Variants in ERBIN observed in about 807,000 individuals in gnomAD.
ERBIN encodes densin-180-like protein.
A neutral mutation model predicts 158.4 loss-of-function variants in ERBIN; 60 were observed. That is an observed-to-expected ratio of 0.38 (90% CI 0.31 to 0.47). ERBIN has a LOEUF of 0.47. ERBIN is among the 20% of genes least tolerant of loss of function. The pLI is 0.99. For missense variants in ERBIN, 1,610 were observed against 1,648.0 expected, an observed-to-expected ratio of 0.98 and a Z score of 0.40; for synonymous variants, 594 against 557.2, an observed-to-expected ratio of 1.07 and a Z score of -0.93.
chr5:66,036,882 T>A (rs1757449820), intron 14 of ERBIN, among the ~76,000 whole-genome samples: 1 of 152,218 alleles, frequency 6.6e-6, no homozygotes, highest in African/African-American at 2.4e-5. Context: ...CCAGATATAC[T>A]GTTCTCATTC....
At chr5:65,983,412 A>G (rs1334107851) in intron 1 of ERBIN, among the ~76,000 whole-genome samples, 2 of 151,820 alleles carry the variant, frequency 1.3e-5, no homozygotes, top group African/African-American at 4.8e-5. Context: ...AAGTTCAAAA[A>G]CTTTTTTTTT....
intron 14 of ERBIN, among the ~76,000 whole-genome samples, chr5:66,033,784 G>A (rs1757122356): frequency 6.6e-6 from 1 of 152,122 alleles, no homozygotes; most frequent in Non-Finnish European, 1.5e-5. Flanking sequence ...CATGTTTACA[G>A]GTTGTTGGAA....
At chr5:65,959,744 T>C (rs1209520438) in intron 1 of ERBIN, among the ~76,000 whole-genome samples, 2 of 152,194 alleles carry the variant, frequency 1.3e-5, no homozygotes, top group Non-Finnish European at 2.9e-5. Flanking sequence ...TTTTTTTCTG[T>C]TTCAAGTGAA....
At chr5:66,015,946 G>T (rs1754667942) in intron 7 of ERBIN, among the ~76,000 whole-genome samples, 1 of 152,176 alleles carries the variant, frequency 6.6e-6, no homozygotes. Flanking sequence ...ATCTGTTACA[G>T]TATTTGCTGG....
chr5:65,952,357 A>AT (rs1263008875), intron 1 of ERBIN, among the ~76,000 whole-genome samples: 1 of 152,070 alleles, frequency 6.6e-6, no homozygotes, highest in Non-Finnish European at 1.5e-5. Context: ...TTTTATTTTT[A>AT]TTTTTTAAAG....
chr5:65,983,946 GCA>G (rs1750931197), intron 1 of ERBIN, among the ~76,000 whole-genome samples: 1 of 152,178 alleles, frequency 6.6e-6, no homozygotes, highest in Admixed American at 6.5e-5. Flanking sequence ...GCATCACAGT[GCA>G]CATGTGGTAG....
chr5:66,048,292 T>G (rs938550507), intron 18 of ERBIN, among the ~76,000 whole-genome samples: 2 of 151,978 alleles, frequency 1.3e-5, no homozygotes, highest in African/African-American at 4.8e-5. Flanking sequence ...GAACTTAATG[T>G]TCTGTAGTGT....
At chr5:66,062,706 A>T (rs1379206536) in intron 21 of ERBIN, among the ~76,000 whole-genome samples, 3 of 152,174 alleles carry the variant, frequency 2.0e-5, no homozygotes, top group African/African-American at 7.2e-5. Flanking sequence ...GGTGATGTAC[A>T]GATGGGTTTT....
intron 1 of ERBIN, among the ~76,000 whole-genome samples, chr5:65,977,255 C>G (rs1200443096): frequency 6.6e-6 from 1 of 151,442 alleles, no homozygotes; most frequent in Admixed American, 6.6e-5. Context: ...GCTGACCCCC[C>G]CACCTCCCTC....
chr5:65,936,141 CATGGAGGGAGGTCTG>C (rs1033422000), intron 1 of ERBIN, among the ~76,000 whole-genome samples: 2 of 150,532 alleles, frequency 1.3e-5, no homozygotes, highest in Non-Finnish European at 3.0e-5. Flanking sequence ...TTTGTGGGAG[CATGGAGGGAGGTCTG>C]ATGGAGGGGG....
In ERBIN at chr5:66,023,934, A is replaced by C. The variant is rs191969717; in HGVS notation, c.673-372A>C. Among the ~76,000 whole-genome samples, 640 of 151,956 alleles carry C rather than the reference A, an allele frequency of 4.2e-3. 3 individuals carry two copies. Among genetic ancestry groups the C allele is most frequent in the Middle Eastern group, 0.01 (3 of 294 alleles). On this transcript the variant is annotated intron_variant, in intron 9 of 25. Transcript: ENST00000284037. ...CCTCATTATCCGCCTGCCTCGGCCT[A>C]CCAAAGTGCTGGGATTACAGGCGTG... is the stretch of plus-strand genomic sequence containing the variant.
At chr5:66,043,321 A>C (rs1758101344) in intron 16 of ERBIN, 123 bp downstream of exon 16, 1 of 933,816 alleles carries the variant, frequency 1.1e-6, no homozygotes, top group South Asian at 1.8e-5. Context: ...TCCTCAAGGC[A>C]CTTGAAGTGT....
At chr5:65,986,447 G>A (rs1300044569) in intron 1 of ERBIN, among the ~76,000 whole-genome samples, 1 of 152,022 alleles carries the variant, frequency 6.6e-6, no homozygotes, top group Non-Finnish European at 1.5e-5. Flanking sequence ...TGTTTTTTGT[G>A]GCATGCAGTA....
chr5:65,940,063 A>G (rs1176296180), intron 1 of ERBIN, among the ~76,000 whole-genome samples: 1 of 146,492 alleles, frequency 6.8e-6, no homozygotes, highest in Non-Finnish European at 1.5e-5. Flanking sequence ...GAAAGTGAGG[A>G]GCGTCTCTGC....
At chr5:66,004,401 CGTGT>C (rs1437655055) in intron 4 of ERBIN, among the ~76,000 whole-genome samples, 6 of 151,802 alleles carry the variant, frequency 4.0e-5, no homozygotes, top group East Asian at 1.9e-4. Flanking sequence ...CGCGCGCGTG[CGTGT>C]GTGTATGTGT....
At chr5:66,038,975 ACCTTT>A (rs1327054329) in intron 15 of ERBIN, among the ~76,000 whole-genome samples, 1 of 151,672 alleles carries the variant, frequency 6.6e-6, no homozygotes, top group Non-Finnish European at 1.5e-5. Context: ...TGGTATGACG[ACCTTT>A]TAGACTAACG....
At chr5:66,035,367 T>G (rs1353710278) in intron 14 of ERBIN, among the ~76,000 whole-genome samples, 1 of 152,164 alleles carries the variant, frequency 6.6e-6, no homozygotes, top group East Asian at 1.9e-4. Flanking sequence ...CCCCTCAGCT[T>G]CTTTAGCTTG....
chr5:65,928,170 C>G (rs58265656), intron 1 of ERBIN, among the ~76,000 whole-genome samples: 6,536 of 151,940 alleles, frequency 0.043, 479 homozygotes, highest in African/African-American at 0.15. Flanking sequence ...TTAAGTACAT[C>G]TCCAAAGGCA....
chr5:66,031,520 T>A (rs1443848257), intron 14 of ERBIN, among the ~76,000 whole-genome samples: 1 of 152,224 alleles, frequency 6.6e-6, no homozygotes, highest in Non-Finnish European at 1.5e-5. Context: ...ATGCCTGCAG[T>A]GCCTGAATTA....
Sources: allele counts gnomAD v4.1 joint callset (sites outside exome capture counted in the v4.1 genomes callset), GRCh38; gene constraint gnomAD v4.1.1; transcripts MANE v1.5; gene names NCBI Gene and HGNC (gene_info 2026-07-23, HGNC 2026-07-21).